Variants in SPACDR observed in about 807,000 individuals in gnomAD.
SPACDR encodes the protein uncharacterized protein C7orf61.
the SPACDR span, among the ~76,000 whole-genome samples, chr7:100,460,574 A>C: frequency 6.6e-6 from 1 of 151,424 alleles, no homozygotes; most frequent in Admixed American, 6.6e-5. Context: ...TATGTGAGAG[A>C]GTGAGACTCC....
chr7:100,460,377 G>A, the SPACDR span, among the ~76,000 whole-genome samples: 1 of 151,950 alleles, frequency 6.6e-6, no homozygotes, highest in Non-Finnish European at 1.5e-5. Context: ...ATCGCCTGAA[G>A]TCAAGAGTTC....
chr7:100,458,933 A>T, the SPACDR span, among the ~76,000 whole-genome samples: 1 of 152,086 alleles, frequency 6.6e-6, no homozygotes, highest in Non-Finnish European at 1.5e-5. Flanking sequence ...GTCTCAAAAC[A>T]AAACAAAAAA....
At chr7:100,458,653 C>A in the SPACDR span, among the ~76,000 whole-genome samples, 1 of 152,152 alleles carries the variant, frequency 6.6e-6, no homozygotes. Context: ...AGGCCGGGCC[C>A]AGTGGCTCAT....
the SPACDR span, chr7:100,457,013 C>A: frequency 1.3e-6 from 2 of 1,550,538 alleles, no homozygotes; most frequent in African/African-American, 2.7e-5. Context: ...GATGTGCATG[C>A]GTAAATAGCT....
chr7:100,457,181 T>A, the SPACDR span, among the ~76,000 whole-genome samples: 1 of 151,908 alleles, frequency 6.6e-6, no homozygotes, highest in African/African-American at 2.4e-5. Flanking sequence ...TTTTTTTTTT[T>A]TTAATGAGAC....
the SPACDR span, among the ~76,000 whole-genome samples, chr7:100,458,335 A>C: frequency 6.6e-6 from 1 of 152,018 alleles, no homozygotes; most frequent in African/African-American, 2.4e-5. Context: ...GAAACAAAAA[A>C]CAAAAACATA....
chr7:100,459,285 C>T, the SPACDR span, among the ~76,000 whole-genome samples: 118 of 151,472 alleles, frequency 7.8e-4, 1 homozygote, highest in African/African-American at 2.7e-3. Flanking sequence ...GCTGGGATTA[C>T]AGGTGTGAGC....
At chr7:100,458,314 A>C in the SPACDR span, among the ~76,000 whole-genome samples, 1 of 151,796 alleles carries the variant, frequency 6.6e-6, no homozygotes, top group Non-Finnish European at 1.5e-5. Flanking sequence ...GAACATTTCC[A>C]TCGGGCAGGA....
At chr7:100,463,914 T>C in the SPACDR span, 3 of 1,577,502 alleles carry the variant, frequency 1.9e-6, no homozygotes, top group South Asian at 2.3e-5. Context: ...CTGCGACCCA[T>C]GCCCTCATCC....
the SPACDR span, chr7:100,464,168 AAAG>A: frequency 1.3e-6 from 2 of 1,502,516 alleles, no homozygotes; most frequent in Non-Finnish European, 1.8e-6. Context: ...AGCAGTAAAG[AAAG>A]AAGTAGGAAA....
chr7:100,462,299 C>T, the SPACDR span, among the ~76,000 whole-genome samples: 1 of 149,410 alleles, frequency 6.7e-6, no homozygotes, highest in Admixed American at 6.7e-5. Flanking sequence ...CTGCAAGCTC[C>T]GCCTCCCGGG....
chr7:100,460,790 T>C, the SPACDR span, among the ~76,000 whole-genome samples: 1 of 151,926 alleles, frequency 6.6e-6, no homozygotes, highest in Admixed American at 6.6e-5. Flanking sequence ...ACTACAGGCA[T>C]GCATCATGCC....
At chr7:100,463,142 GA>G in the SPACDR span, among the ~76,000 whole-genome samples, 1 of 150,782 alleles carries the variant, frequency 6.6e-6, no homozygotes, top group African/African-American at 2.4e-5. Context: ...AAAAGAAAAA[GA>G]AAAAGATATT....
At chr7:100,463,291 C>T in the SPACDR span, 1 of 1,270,788 alleles carries the variant, frequency 7.9e-7, no homozygotes, top group South Asian at 1.4e-5. Flanking sequence ...AATTGTTGAA[C>T]AAGTAATCAG....
At chr7:100,457,803 ATGTGTGTGTGTGTGTG>A in the SPACDR span, among the ~76,000 whole-genome samples, 2 of 72,606 alleles carry the variant, frequency 2.8e-5, no homozygotes, top group Non-Finnish European at 4.4e-5. Flanking sequence ...ATATATATAT[ATGTGTGTGTGTGTGTG>A]TGTGTGTGTG....
chr7:100,458,936 A>G, the SPACDR span, among the ~76,000 whole-genome samples: 1 of 152,002 alleles, frequency 6.6e-6, no homozygotes. Flanking sequence ...TCAAAACAAA[A>G]CAAAAAATTT....
the SPACDR span, among the ~76,000 whole-genome samples, chr7:100,457,803 A>ATGTGTGTGTGTGTGTGTGTGTG: frequency 4.4e-3 from 321 of 72,560 alleles, 8 homozygotes; most frequent in Middle Eastern, 0.021. Flanking sequence ...ATATATATAT[A>ATGTGTGTGTGTGTGTGTGTGTG]TGTGTGTGTG....
chr7:100,463,432 C>T, the SPACDR span: 28 of 1,613,446 alleles, frequency 1.7e-5, no homozygotes, highest in South Asian at 1.1e-4. Flanking sequence ...ACTTGACGGC[C>T]GTCCTCGGCA....
chr7:100,459,991 G>A, the SPACDR span, among the ~76,000 whole-genome samples: 7 of 151,328 alleles, frequency 4.6e-5, no homozygotes, highest in South Asian at 2.1e-4. Context: ...CCAGGTTCAC[G>A]CCATTCTCCT....
Sources: gnomAD v4.1 joint callset for allele counts (sites outside exome capture counted in the v4.1 genomes callset) on GRCh38, gnomAD v4.1.1 for gene constraint, MANE v1.5 for transcripts, NCBI Gene and HGNC (gene_info 2026-07-23, HGNC 2026-07-21) for gene names.